Variants in RASEF observed in about 807,000 individuals in gnomAD.
RASEF encodes RAS and EF-hand domain containing.
A neutral mutation model predicts 90.1 loss-of-function variants in RASEF; 68 were observed. The ratio of observed to expected loss-of-function variants is 0.75; its 90% CI spans 0.62 to 0.92. The LOEUF (loss-of-function observed/expected upper bound fraction) is 0.92, where lower values mean the gene tolerates loss of function less well. Ranked by LOEUF, RASEF falls within the 40% of genes least tolerant of loss-of-function variation. The pLI, the probability that RASEF is intolerant of heterozygous loss-of-function variation, is 0.00. For synonymous variants in RASEF, 331 were observed against 345.2 expected (o/e 0.96, Z 0.46); for missense variants, 949 against 937.2 (o/e 1.01, Z -0.16).
intron 1 of RASEF, among the ~76,000 whole-genome samples, chr9:83,060,481 C>T (rs1830184200): frequency 6.6e-6 from 1 of 152,194 alleles, no homozygotes; most frequent in African/African-American, 2.4e-5. Flanking sequence ...TACATACTAT[C>T]CTTCTCTTTG....
chr9:83,046,703 G>T (rs772119807), intron 1 of RASEF, among the ~76,000 whole-genome samples: 1 of 152,190 alleles, frequency 6.6e-6, no homozygotes, highest in Admixed American at 6.5e-5. Flanking sequence ...AGAGCAGACT[G>T]TAATTCTGTT....
intron 6 of RASEF, among the ~76,000 whole-genome samples, chr9:83,008,842 A>G (rs1829178434): frequency 7.2e-6 from 1 of 138,010 alleles, no homozygotes; most frequent in Non-Finnish European, 1.5e-5. Context: ...CTGTTGTTAA[A>G]CCCTATAATC....
chr9:83,014,198 G>A (rs146473949), intron 4 of RASEF, among the ~76,000 whole-genome samples: 1 of 152,132 alleles, frequency 6.6e-6, no homozygotes, highest in South Asian at 2.1e-4. Context: ...TAGATATAAG[G>A]TTCAAATTGA....
chr9:83,120,030 AG>A, the RASEF span, among the ~76,000 whole-genome samples: 1 of 152,236 alleles, frequency 6.6e-6, no homozygotes, highest in Non-Finnish European at 1.5e-5. Context: ...GCTGCTTTGA[AG>A]GGAAAATCCA....
intron 16 of RASEF, among the ~76,000 whole-genome samples, chr9:82,987,095 A>T (rs137878578): frequency 6.6e-6 from 1 of 152,338 alleles, no homozygotes; most frequent in African/African-American, 2.4e-5. Context: ...TAAATTGAGA[A>T]CATATATGTT....
At chr9:82,991,410 TTA>T (rs1273955488) in intron 15 of RASEF, among the ~76,000 whole-genome samples, 1 of 152,192 alleles carries the variant, frequency 6.6e-6, no homozygotes, top group Non-Finnish European at 1.5e-5. Flanking sequence ...ATTGCTCAAG[TTA>T]TTTTTGTGTG....
the RASEF span, among the ~76,000 whole-genome samples, chr9:83,216,591 T>C: frequency 1.3e-5 from 2 of 152,156 alleles, no homozygotes; most frequent in Non-Finnish European, 2.9e-5. Context: ...ACGCAGAAGT[T>C]TGCTGGAGGA....
At chr9:83,042,141 G>T (rs1829855195) in intron 1 of RASEF, among the ~76,000 whole-genome samples, 1 of 152,080 alleles carries the variant, frequency 6.6e-6, no homozygotes, top group South Asian at 2.1e-4. Context: ...TCTCTCACCT[G>T]CTTGGATAAT....
chr9:83,027,254 C>T (rs1455890360), intron 1 of RASEF, among the ~76,000 whole-genome samples: 3 of 152,138 alleles, frequency 2.0e-5, no homozygotes. Flanking sequence ...ATGGTGATTG[C>T]ACTGCACAGA....
chr9:83,166,920 A>C, the RASEF span, among the ~76,000 whole-genome samples: 109 of 152,280 alleles, frequency 7.2e-4, 1 homozygote, highest in African/African-American at 2.4e-3. Flanking sequence ...GATCTAAGAT[A>C]TGAGACTTAA....
At chr9:83,093,538 G>A in the RASEF span, among the ~76,000 whole-genome samples, 28 of 152,358 alleles carry the variant, frequency 1.8e-4, no homozygotes, top group African/African-American at 6.5e-4. Flanking sequence ...CTGCTGGTCC[G>A]GGTGCTAAGC....
chr9:83,048,901 G>T, intron 1 of RASEF: 2 of 348,356 alleles, frequency 5.7e-6, no homozygotes, highest in Non-Finnish European at 4.0e-6. Context: ...GGCCGAGGAA[G>T]GCGGATCACC....
At chr9:83,035,429 AC>A (rs899787700) in intron 1 of RASEF, among the ~76,000 whole-genome samples, 1 of 152,106 alleles carries the variant, frequency 6.6e-6, no homozygotes, top group Non-Finnish European at 1.5e-5. Flanking sequence ...GGCAATGCAG[AC>A]CTCACCCTTC....
chr9:83,048,624 T>C (rs993915594), intron 1 of RASEF: 1 of 985,350 alleles, frequency 1.0e-6, no homozygotes, highest in Non-Finnish European at 1.2e-6. Context: ...GAGTTTCTTC[T>C]GTGGGAAAAT....
intron 16 of RASEF, among the ~76,000 whole-genome samples, chr9:82,987,372 C>T (rs1156846582): frequency 1.3e-5 from 2 of 152,160 alleles, no homozygotes; most frequent in Non-Finnish European, 2.9e-5. Context: ...TCGCAAGAAG[C>T]TTATCTTATT....
the RASEF span, among the ~76,000 whole-genome samples, chr9:83,211,269 T>C: frequency 6.6e-5 from 10 of 152,284 alleles, no homozygotes; most frequent in African/African-American, 2.2e-4. Context: ...TAGTAGGTTA[T>C]GGGTTTTTTT....
upstream of RASEF, among the ~76,000 whole-genome samples, chr9:83,065,630 T>C (rs750554580): frequency 6.6e-6 from 1 of 152,224 alleles, no homozygotes; most frequent in Non-Finnish European, 1.5e-5. Flanking sequence ...TTGGAGGCTC[T>C]TACTGTTACA....
the RASEF span, among the ~76,000 whole-genome samples, chr9:83,148,285 C>T: frequency 6.6e-6 from 1 of 151,996 alleles, no homozygotes; most frequent in African/African-American, 2.4e-5. Context: ...AACTGTGATC[C>T]CCCAAATTCA....
the RASEF span, among the ~76,000 whole-genome samples, chr9:83,094,121 A>G: frequency 1.3e-5 from 2 of 152,164 alleles, no homozygotes; most frequent in African/African-American, 4.8e-5. Flanking sequence ...CTGGTTTTCC[A>G]GTGATTAAAA....
Sources: allele counts gnomAD v4.1 joint callset (sites outside exome capture counted in the v4.1 genomes callset), GRCh38; gene constraint gnomAD v4.1.1; transcripts MANE v1.5; gene names NCBI Gene and HGNC (gene_info 2026-07-23, HGNC 2026-07-21).